Variants in AKAP13 observed in about 807,000 individuals in gnomAD.
The protein encoded by AKAP13 is A-kinase anchoring protein 13, also known as A-kinase anchor protein 13.
A neutral mutation model predicts 264.5 loss-of-function variants in AKAP13; 80 were observed. That is an observed-to-expected ratio of 0.30 (90% CI 0.25 to 0.36). The LOEUF (loss-of-function observed/expected upper bound fraction) is 0.36. Among genes scored for constraint, AKAP13 ranks in the 10% least tolerant of loss-of-function variants. The probability of loss-of-function intolerance (pLI) is 1.00; values close to 1 mark genes in which losing one functional copy is unlikely to be tolerated. For synonymous variants in AKAP13, 1,380 were observed against 1,250.2 expected (o/e 1.10, Z -2.19); for missense variants, 3,712 against 3,435.2 (o/e 1.08, Z -2.01).
intron 2 of AKAP13, among the ~76,000 whole-genome samples, chr15:85,493,447 A>G (rs2075789509): frequency 6.6e-6 from 1 of 152,172 alleles, no homozygotes; most frequent in Admixed American, 6.5e-5. Flanking sequence ...GCCAACAGGG[A>G]AATGAAGGTG....
chr15:85,682,164 G>A lies in AKAP13; in HGVS notation c.5108G>A (p.Arg1703Gln), dbSNP rs773469794. The A allele has an allele frequency of 1.2e-6, 2 of 1,613,168 alleles. No homozygotes were observed. The highest frequency in any genetic ancestry group is 1.1e-5 in the South Asian group (1 of 91,074). ...TISHPGLDNS[R>Q]PFHSTFHNTS... ...TTTCTGCCTTGTTTTCTAGATTCAC[G>A]GCCCTTCCACAGTACCTTCCACAAT... is the stretch of plus-strand genomic sequence containing the variant. Residue 1703 changes from arginine (R) to glutamine (Q), a missense_variant, in exon 15 of 37, where the codon CGG becomes CAG. By Grantham distance (43) the Arg-to-Gln change is conservative (BLOSUM62 1). Around this residue, in one of 3 missense-constraint regions of AKAP13, gnomAD observed 2,759 missense variants for 2,411.7 expected, o/e 1.14. Coordinates refer to ENST00000394518, the MANE Select transcript of AKAP13 (RefSeq NM_007200.5).
intron 20 of AKAP13, 76 bp downstream of exon 20, chr15:85,715,999 A>T: frequency 4.0e-6 from 6 of 1,504,034 alleles, no homozygotes; most frequent in Non-Finnish European, 5.3e-6. Flanking sequence ...ATATGACAAA[A>T]AGCTTTTTTT....
At chr15:85,686,021 A>G (rs756377992) in intron 16 of AKAP13, among the ~76,000 whole-genome samples, 1 of 152,222 alleles carries the variant, frequency 6.6e-6, no homozygotes, top group African/African-American at 2.4e-5. Context: ...TTCCATTTCA[A>G]GTCCGTGGGG....
chr15:85,456,281 TTTAG>T (rs985018519), intron 1 of AKAP13, among the ~76,000 whole-genome samples: 1 of 152,132 alleles, frequency 6.6e-6, no homozygotes, highest in African/African-American at 2.4e-5. Context: ...ACTGAACATT[TTTAG>T]TTAAACAGAC....
chr15:85,567,941 G>GGTGTGTGTGTGTGTGTGTGTGTGTGT (rs57049395), intron 5 of AKAP13, among the ~76,000 whole-genome samples: 1 of 141,828 alleles, frequency 7.1e-6, no homozygotes, highest in African/African-American at 2.6e-5. Flanking sequence ...AGCCCAAAGA[G>GGTGTGTGTGTGTGTGTGTGTGTGTGT]GTGTGTGTGT....
chr15:85,730,364 C>T, intron 29 of AKAP13, 149 bp from the exon 30 acceptor site: 1 of 727,752 alleles, frequency 1.4e-6, no homozygotes, highest in Non-Finnish European at 2.3e-6. Context: ...ATATTGCTGT[C>T]TTGATGAAAA....
At chr15:85,695,704 C>A (rs961749370) in intron 17 of AKAP13, among the ~76,000 whole-genome samples, 2 of 152,220 alleles carry the variant, frequency 1.3e-5, no homozygotes, top group African/African-American at 4.8e-5. Context: ...AATCCTCATG[C>A]ATCCCTGTGG....
chr15:85,543,681 G>T, intron 4 of AKAP13, 91 bp from the exon 5 acceptor site: 1 of 1,344,324 alleles, frequency 7.4e-7, no homozygotes, highest in Non-Finnish European at 1.0e-6. Context: ...GCACTTGGAG[G>T]CAGTGGTGTT....
chr15:85,420,659 A>G (rs2072479718), intron 1 of AKAP13, among the ~76,000 whole-genome samples: 1 of 152,128 alleles, frequency 6.6e-6, no homozygotes, highest in Non-Finnish European at 1.5e-5. Context: ...TGTGGGGACC[A>G]TTTTCGAAGG....
chr15:85,612,983 G>A (rs939439958), intron 8 of AKAP13, among the ~76,000 whole-genome samples: 1 of 152,160 alleles, frequency 6.6e-6, no homozygotes, highest in Non-Finnish European at 1.5e-5. Flanking sequence ...CATGTGAGAA[G>A]AAGTTCTTGT....
intron 6 of AKAP13, among the ~76,000 whole-genome samples, chr15:85,575,533 A>C (rs1319580219): frequency 6.6e-6 from 1 of 152,130 alleles, no homozygotes; most frequent in African/African-American, 2.4e-5. Flanking sequence ...CTCTACTAAA[A>C]ATACAAAAAA....
intron 25 of AKAP13, 113 bp from the exon 26 acceptor site, chr15:85,722,959 G>T (rs1041911429): frequency 5.0e-6 from 7 of 1,406,998 alleles, no homozygotes; most frequent in Non-Finnish European, 6.7e-6. Flanking sequence ...GCTTCCCTCT[G>T]ATAGCATAGT....
At chr15:85,406,396 G>GTTTTTTTTTTTTTTTTTTTTTTTTT (rs34569805) in intron 1 of AKAP13, among the ~76,000 whole-genome samples, 1 of 143,832 alleles carries the variant, frequency 7.0e-6, no homozygotes. Context: ...CTAGAAAATA[G>GTTTTTTTTTTTTTTTTTTTTTTTTT]TTTTTTTTTT....
intron 1 of AKAP13, among the ~76,000 whole-genome samples, chr15:85,420,309 G>A (rs2150897473): frequency 6.6e-6 from 1 of 152,102 alleles, no homozygotes; most frequent in East Asian, 1.9e-4. Context: ...GACGTAGACT[G>A]TTGTCACTTC....
intron 14 of AKAP13, among the ~76,000 whole-genome samples, chr15:85,677,627 G>A (rs182383636): frequency 6.1e-5 from 9 of 146,924 alleles, no homozygotes; most frequent in East Asian, 2.0e-4. Flanking sequence ...AGTTATATAC[G>A]TTTTGTGAGT....
chr15:85,552,788 C>T lies in AKAP13; in HGVS notation c.662+8833C>T, dbSNP rs184088670. 1.4e-4 allele frequency among the ~76,000 whole-genome samples: 22 copies of T among 151,922 alleles called. No individual in the cohort carries two copies. The East Asian group carries it at 2.9e-3, about 20-fold the overall frequency. Reference sequence around the variant, plus strand: ...AACTACAGGCGTGTGCCACCATGCCCGGCTAATTTTTTTGTATGTTTTTTC... The same window carrying T: ...AACTACAGGCGTGTGCCACCATGCCTGGCTAATTTTTTTGTATGTTTTTTC... On this transcript the variant is annotated intron_variant, in intron 5 of 36. Coordinates refer to ENST00000394518, the MANE Select transcript of AKAP13 (RefSeq NM_007200.5).
chr15:85,569,221 A>G (rs2078716735), intron 5 of AKAP13, among the ~76,000 whole-genome samples: 1 of 152,198 alleles, frequency 6.6e-6, no homozygotes, highest in African/African-American at 2.4e-5. Flanking sequence ...GTGTTGGTGC[A>G]GAACTAAGAG....
At chr15:85,544,756 A>G (rs2077680105) in intron 5 of AKAP13, among the ~76,000 whole-genome samples, 1 of 152,224 alleles carries the variant, frequency 6.6e-6, no homozygotes, top group Non-Finnish European at 1.5e-5. Flanking sequence ...TGTGGTTATC[A>G]TCATTATCTT....
chr15:85,584,056 C>A (rs190158887), intron 7 of AKAP13, among the ~76,000 whole-genome samples: 45 of 152,256 alleles, frequency 3.0e-4, no homozygotes, highest in Admixed American at 2.9e-3. Context: ...TTGGGAAAAT[C>A]CCTGGTCACA....
Sources: allele counts gnomAD v4.1 joint callset (sites outside exome capture counted in the v4.1 genomes callset), GRCh38; gene constraint gnomAD v4.1.1; regional missense constraint gnomAD v4.1.1; transcripts MANE v1.5; gene names NCBI Gene and HGNC (gene_info 2026-07-23, HGNC 2026-07-21).